Variants in AKT3 observed in about 807,000 individuals in gnomAD.
The protein encoded by AKT3 is RAC-gamma serine/threonine-protein kinase.
In AKT3, 15 loss-of-function variants were observed where a neutral mutation model predicts 65.3. That is an observed-to-expected ratio of 0.23 (90% CI 0.15 to 0.35). AKT3 has a LOEUF of 0.35. Ranked by LOEUF, AKT3 falls within the 10% of genes least tolerant of loss-of-function variation. The pLI is 1.00. For missense variants in AKT3, 243 were observed against 576.5 expected, an observed-to-expected ratio of 0.42 and a Z score of 5.92; for synonymous variants, 206 against 183.8, an observed-to-expected ratio of 1.12 and a Z score of -0.98.
intron 8 of AKT3, among the ~76,000 whole-genome samples, chr1:243,608,977 C>A (rs1041084812): frequency 6.6e-6 from 1 of 151,816 alleles, no homozygotes; most frequent in African/African-American, 2.4e-5. Context: ...TGGTCTCGAA[C>A]TCCTGACCTC....
intron 2 of AKT3, among the ~76,000 whole-genome samples, chr1:243,738,018 A>T (rs891769198): frequency 2.0e-5 from 3 of 152,236 alleles, no homozygotes; most frequent in Non-Finnish European, 2.9e-5. Context: ...CCTGGCCCAG[A>T]GAAGTTAAAA....
At chr1:243,771,135 T>C (rs2148277376) in intron 2 of AKT3, among the ~76,000 whole-genome samples, 1 of 152,296 alleles carries the variant, frequency 6.6e-6, no homozygotes, top group South Asian at 2.1e-4. Flanking sequence ...CGAATGTTCT[T>C]GTAGTCAAAA....
chr1:243,770,735 A>G (rs1189952465), intron 2 of AKT3, among the ~76,000 whole-genome samples: 2 of 29,230 alleles, frequency 6.8e-5, no homozygotes, highest in African/African-American at 6.6e-5. Context: ...TTCTAAATAG[A>G]AAAAAAAAAA....
At chr1:243,656,272 T>G (rs1681783398) in intron 4 of AKT3, among the ~76,000 whole-genome samples, 2 of 152,150 alleles carry the variant, frequency 1.3e-5, no homozygotes, top group African/African-American at 4.8e-5. Context: ...CTTTTAAAAG[T>G]ACATATACTA....
At chr1:243,576,220 T>C (rs1311426119) in intron 8 of AKT3, among the ~76,000 whole-genome samples, 9 of 152,156 alleles carry the variant, frequency 5.9e-5, no homozygotes, top group Non-Finnish European at 1.2e-4. Flanking sequence ...AAACTAGATA[T>C]TGAAGGAACA....
chr1:243,556,113 A>C (rs985121461), intron 10 of AKT3, among the ~76,000 whole-genome samples: 25 of 152,158 alleles, frequency 1.6e-4, no homozygotes, highest in Admixed American at 1.6e-3. Context: ...TGTATTTCTA[A>C]TAGGAGCCAG....
chr1:243,563,307 T>A (rs1673923252), intron 10 of AKT3, among the ~76,000 whole-genome samples: 1 of 152,168 alleles, frequency 6.6e-6, no homozygotes, highest in Non-Finnish European at 1.5e-5. Flanking sequence ...ATTTTCCCAA[T>A]AAAATAATTT....
At chr1:243,653,507 T>A (rs76865922) in intron 4 of AKT3, among the ~76,000 whole-genome samples, 3,816 of 152,320 alleles carry the variant, frequency 0.025, 53 homozygotes, top group Non-Finnish European at 0.04. Flanking sequence ...GAGGACTGCA[T>A]TATCCTGATA....
intron 8 of AKT3, among the ~76,000 whole-genome samples, chr1:243,608,743 C>CTTTTTTTTTTTTTTTTTTTTTTTTTTTTT (rs566574203): frequency 1.4e-5 from 1 of 70,806 alleles, no homozygotes; most frequent in Non-Finnish European, 2.4e-5. Context: ...AAGTTTTTTG[C>CTTTTTTTTTTTTTTTTTTTTTTTTTTTTT]TTTTTTTTTT....
At chr1:243,794,496 A>G (rs1400237656) in intron 2 of AKT3, 3 of 152,236 alleles carry the variant, frequency 2.0e-5, no homozygotes, top group African/African-American at 7.2e-5. Flanking sequence ...TTAAACAACT[A>G]CTTTACAAAC....
chr1:243,593,627 A>G (rs1169114592), intron 8 of AKT3, among the ~76,000 whole-genome samples: 2 of 152,258 alleles, frequency 1.3e-5, no homozygotes, highest in Admixed American at 1.3e-4. Context: ...TAAACCTGGA[A>G]GCTGCAGTGA....
At chr1:243,830,509 C>T (rs1008353761) in intron 2 of AKT3, among the ~76,000 whole-genome samples, 2 of 152,016 alleles carry the variant, frequency 1.3e-5, no homozygotes, top group Non-Finnish European at 2.9e-5. Flanking sequence ...TCGAAAAATC[C>T]GAAGGCCTAT....
chr1:243,549,623 G>T (rs1446812024), intron 11 of AKT3, among the ~76,000 whole-genome samples: 1 of 151,670 alleles, frequency 6.6e-6, no homozygotes, highest in Non-Finnish European at 1.5e-5. Context: ...GATGAATCTT[G>T]CTATGTGCCC....
chr1:243,675,503 A>C (rs1348057863), intron 3 of AKT3, among the ~76,000 whole-genome samples: 3 of 152,120 alleles, frequency 2.0e-5, no homozygotes, highest in African/African-American at 7.2e-5. Context: ...ATCCAGCCTC[A>C]AAGTCACTCT....
At chr1:243,581,628 A>G (rs898941283) in intron 8 of AKT3, among the ~76,000 whole-genome samples, 2 of 152,134 alleles carry the variant, frequency 1.3e-5, no homozygotes, top group African/African-American at 4.8e-5. Context: ...AGAAGTTACA[A>G]GTGTTAGGGT....
chr1:243,601,255 C>G (rs1013759197), intron 8 of AKT3, among the ~76,000 whole-genome samples: 3 of 151,894 alleles, frequency 2.0e-5, no homozygotes, highest in African/African-American at 7.3e-5. Flanking sequence ...AATATTAAGA[C>G]AACAACCTAA....
chr1:243,808,848 T>C (rs1160706798), intron 2 of AKT3, among the ~76,000 whole-genome samples: 4 of 152,210 alleles, frequency 2.6e-5, no homozygotes, highest in South Asian at 2.1e-4. Flanking sequence ...AGAAACTCTG[T>C]AAGCCAGAAG....
At chr1:243,781,976 T>A (rs1690943898) in intron 2 of AKT3, among the ~76,000 whole-genome samples, 1 of 152,060 alleles carries the variant, frequency 6.6e-6, no homozygotes, top group Non-Finnish European at 1.5e-5. Flanking sequence ...GTGCACACCA[T>A]CATGCCCAGC....
downstream of AKT3, among the ~76,000 whole-genome samples, chr1:243,498,727 T>C (rs1354026163): frequency 6.6e-6 from 1 of 152,258 alleles, no homozygotes; most frequent in Non-Finnish European, 1.5e-5. Context: ...AATCCCCATG[T>C]TAATGATGGC....
Sources: allele counts gnomAD v4.1 joint callset (sites outside exome capture counted in the v4.1 genomes callset), GRCh38; gene constraint gnomAD v4.1.1; transcripts MANE v1.5; gene names NCBI Gene and HGNC (gene_info 2026-07-23, HGNC 2026-07-21).